The following DCC variants were observed in gnomAD, a reference collection of about 807,000 sequenced individuals.
The protein encoded by DCC is DCC netrin 1 receptor.
Under a neutral mutation model 172.5 loss-of-function variants are expected in DCC, and 58 were observed. The ratio of observed to expected loss-of-function variants is 0.34; its 90% CI spans 0.27 to 0.42. The LOEUF is 0.42. Among genes scored for constraint, DCC ranks in the 10% least tolerant of loss-of-function variants. DCC has a pLI of 1.00. For missense variants in DCC, 1,740 were observed against 1,791.0 expected, an observed-to-expected ratio of 0.97 and a Z score of 0.51; for synonymous variants, 709 against 644.5, an observed-to-expected ratio of 1.10 and a Z score of -1.52.
intron 22 of DCC, among the ~76,000 whole-genome samples, chr18:53,443,579 G>A (rs1007267552): frequency 2.3e-4 from 35 of 152,170 alleles, no homozygotes; most frequent in Non-Finnish European, 7.3e-5. Context: ...AATGAGTCAT[G>A]CTTTCAAGTC....
At chr18:52,622,209 G>A (rs749822335) in intron 1 of DCC, among the ~76,000 whole-genome samples, 2 of 151,810 alleles carry the variant, frequency 1.3e-5, no homozygotes, top group Non-Finnish European at 2.9e-5. Context: ...TTCCTACTAG[G>A]GACCAAAAGT....
chr18:53,046,351 G>GA (rs1451064644), intron 5 of DCC, among the ~76,000 whole-genome samples: 2 of 151,440 alleles, frequency 1.3e-5, no homozygotes, highest in Non-Finnish European at 2.9e-5. Context: ...AATATTAAGT[G>GA]AAAAAATAAA....
chr18:52,496,211 A>G (rs913879688), intron 1 of DCC, among the ~76,000 whole-genome samples: 12 of 152,130 alleles, frequency 7.9e-5, no homozygotes, highest in African/African-American at 2.7e-4. Context: ...AATATCGACA[A>G]GGTAAATACA....
chr18:53,491,893 T>G (rs2144393279), intron 26 of DCC, among the ~76,000 whole-genome samples: 1 of 152,356 alleles, frequency 6.6e-6, no homozygotes, highest in Middle Eastern at 3.4e-3. Context: ...CCACACTGTC[T>G]TCCACAATGG....
At chr18:52,620,081 T>C (rs577150551) in intron 1 of DCC, among the ~76,000 whole-genome samples, 1 of 152,304 alleles carries the variant, frequency 6.6e-6, no homozygotes, top group South Asian at 2.1e-4. Flanking sequence ...ACCTCATTGG[T>C]TTTCAGATTT....
At chr18:52,624,755 T>C (rs2034542496) in intron 1 of DCC, among the ~76,000 whole-genome samples, 1 of 152,208 alleles carries the variant, frequency 6.6e-6, no homozygotes, top group South Asian at 2.1e-4. Flanking sequence ...ATGATGACTG[T>C]GCTGAGAGGC....
At chr18:53,008,983 C>T (rs1251439019) in intron 5 of DCC, among the ~76,000 whole-genome samples, 3 of 151,854 alleles carry the variant, frequency 2.0e-5, no homozygotes, top group South Asian at 2.1e-4. Context: ...TTTCAACATA[C>T]CTGTAAAAAG....
chr18:52,844,998 C>T (rs1317726558), intron 2 of DCC, among the ~76,000 whole-genome samples: 1 of 152,172 alleles, frequency 6.6e-6, no homozygotes, highest in Non-Finnish European at 1.5e-5. Context: ...CAGTTTTCTG[C>T]CTAACACAAT....
chr18:52,655,860 A>G (rs1391622283), intron 1 of DCC, among the ~76,000 whole-genome samples: 2 of 151,822 alleles, frequency 1.3e-5, no homozygotes, highest in South Asian at 2.1e-4. Flanking sequence ...TTAGATGCCA[A>G]TACAGTTAGA....
intron 1 of DCC, among the ~76,000 whole-genome samples, chr18:52,490,390 G>A (rs1158059639): frequency 6.6e-6 from 1 of 152,056 alleles, no homozygotes; most frequent in African/African-American, 2.4e-5. Flanking sequence ...TCACATGGCA[G>A]CTTATGAATA....
chr18:53,140,429 A>T (rs895534268), intron 7 of DCC, among the ~76,000 whole-genome samples: 2 of 152,212 alleles, frequency 1.3e-5, no homozygotes, highest in African/African-American at 2.4e-5. Flanking sequence ...TGAGAGCAGA[A>T]TAACGAATGG....
At chr18:53,099,908 T>C (rs1294858124) in intron 7 of DCC, among the ~76,000 whole-genome samples, 1 of 150,798 alleles carries the variant, frequency 6.6e-6, no homozygotes, top group African/African-American at 2.4e-5. Context: ...TGAGTTTCAC[T>C]CACTTAAGAG....
chr18:52,776,159 G>A (rs2037428602), intron 2 of DCC, among the ~76,000 whole-genome samples: 1 of 152,028 alleles, frequency 6.6e-6, no homozygotes, highest in Non-Finnish European at 1.5e-5. Flanking sequence ...AAAGGCAAAA[G>A]TGAACAGTAG....
At chr18:53,159,346 T>C (rs2054798355) in intron 8 of DCC, among the ~76,000 whole-genome samples, 1 of 152,212 alleles carries the variant, frequency 6.6e-6, no homozygotes, top group African/African-American at 2.4e-5. Context: ...TGCCATGTTT[T>C]ACTGACTGCT....
chr18:52,683,868 G>A (rs1184870200), intron 1 of DCC, among the ~76,000 whole-genome samples: 1 of 152,070 alleles, frequency 6.6e-6, no homozygotes, highest in Non-Finnish European at 1.5e-5. Context: ...GTTGGTAAAA[G>A]CACACAGCTC....
chr18:53,217,262 T>C (rs866274375), intron 12 of DCC, among the ~76,000 whole-genome samples: 8 of 133,292 alleles, frequency 6.0e-5, no homozygotes, highest in Non-Finnish European at 1.2e-4. Flanking sequence ...ATATATATTA[T>C]ACACACACAC....
At chr18:53,501,079 G>C (rs2046092136) in intron 27 of DCC, among the ~76,000 whole-genome samples, 1 of 152,158 alleles carries the variant, frequency 6.6e-6, no homozygotes, top group Non-Finnish European at 1.5e-5. Flanking sequence ...CCCACTGCAA[G>C]CACAACCCAA....
intron 15 of DCC, among the ~76,000 whole-genome samples, chr18:53,350,390 G>T (rs941538736): frequency 3.2e-4 from 49 of 152,046 alleles, no homozygotes; most frequent in Non-Finnish European, 1.9e-4. Context: ...AATAACATAG[G>T]TTATTTCCAT....
rs117249380 is a variant in DCC, at chr18:53,126,622, A to G, written c.1262-30734A>G. On this transcript the variant is annotated intron_variant, in intron 7 of 28. Transcript: ENST00000442544. Reference sequence around the variant, plus strand: ...TATGAATCTCATTTGACTGTTCCAGATAAATACAAAATATTTGGAGAATAA... The same window carrying G: ...TATGAATCTCATTTGACTGTTCCAGGTAAATACAAAATATTTGGAGAATAA... 4.6e-3 allele frequency among the ~76,000 whole-genome samples: 700 copies of G among 152,250 alleles called. 41 individuals are homozygous for G. In the South Asian group the frequency reaches 0.11, roughly 24 times the overall value.
Sources: allele counts gnomAD v4.1 joint callset (sites outside exome capture counted in the v4.1 genomes callset), GRCh38; gene constraint gnomAD v4.1.1; transcripts MANE v1.5; gene names NCBI Gene and HGNC (gene_info 2026-07-23, HGNC 2026-07-21).